The following ZNF613 variants were observed in gnomAD, a reference collection of about 807,000 sequenced individuals.
The protein encoded by ZNF613 is zinc finger protein 613.
ZNF613 carries 8 observed loss-of-function variants against 14.3 expected under a neutral mutation model. The ratio of observed to expected loss-of-function variants is 0.56; its 90% CI spans 0.33 to 1.01. ZNF613 has a LOEUF of 1.01. ZNF613 is among the 50% of genes least tolerant of loss of function. ZNF613 has a pLI of 0.03. For missense variants in ZNF613, 656 were observed against 741.9 expected (o/e 0.88, Z 1.35); for synonymous variants, 228 against 254.5 (o/e 0.90, Z 0.99).
chr19:51,937,329 C>T (rs999236325), intron 3 of ZNF613, among the ~76,000 whole-genome samples: 1 of 152,170 alleles, frequency 6.6e-6, no homozygotes, highest in Admixed American at 6.5e-5. Context: ...AAACCTTAAC[C>T]TATGGGTCTT....
Position 51,946,445 on chromosome 19 carries a change from A to G in ZNF613, c.*708A>G, listed in dbSNP as rs2085402219. 1 of 152,254 alleles carries G rather than the reference A, an allele frequency of 6.6e-6. No homozygotes were observed. The allele number at this position is 152,254 out of a possible 1,614,324, so 9.4% of individuals were successfully genotyped here. ...TCTTCTATTCCCAACCAAGATCATTATATGATTAGCTCTTGTGTTTCTTTG... is the reference window on the plus strand; with the variant it reads ...TCTTCTATTCCCAACCAAGATCATTGTATGATTAGCTCTTGTGTTTCTTTG... On this transcript the variant is annotated 3_prime_UTR_variant, in exon 6 of 6. Coordinates refer to ENST00000293471, the MANE Select transcript of ZNF613 (RefSeq NM_001031721.4).
In ZNF613 at chr19:51,940,707, C is replaced by T; in HGVS notation, c.233C>T (p.Pro78Leu). Reference sequence around the variant, plus strand: ...AATGAAATCCACAGCCAAATCTGTCCAGGTGAGTTCAGGGTGAGAGCCAGC... The same window carrying T: ...AATGAAATCCACAGCCAAATCTGTCTAGGTGAGTTCAGGGTGAGAGCCAGC... Reference protein sequence around the residue: ...VENEIHSQICPEIKKVDNHLQ... With the variant: ...VENEIHSQICLEIKKVDNHLQ... Residue 78 changes from proline (P) to leucine (L), a missense_variant and splice_region_variant, in exon 5 of 6, where the codon CCA becomes CTA. By Grantham distance (98) the Pro-to-Leu change is moderately conservative (BLOSUM62 -3). Transcript: ENST00000293471. The T allele has an allele frequency of 6.2e-7, 1 of 1,610,370 alleles. No homozygotes were observed.
rs751277261 is a variant in ZNF613, at chr19:51,945,777, G to A, written c.*40G>A. 4.4e-6 allele frequency: 7 copies of A among 1,604,106 alleles called. 1 individual carries two copies. In the South Asian group the frequency reaches 7.7e-5, roughly 18 times the overall value. On this transcript the variant is annotated 3_prime_UTR_variant, in exon 6 of 6. Coordinates refer to ENST00000293471, the MANE Select transcript of ZNF613 (RefSeq NM_001031721.4). ...CAGTGAATGTGGTAGTGCTTTCAGT[G>A]ATCAATTACATCATATGTCACAAAA...
At position 51,945,138 on chromosome 19, in the gene ZNF613, C is replaced by G; in HGVS notation, c.1255C>G (p.Arg419Gly). 1 of 1,614,182 alleles carries G rather than the reference C, an allele frequency of 6.2e-7. No individual in the cohort carries two copies. Among genetic ancestry groups the G allele is most frequent in the Non-Finnish European group, 8.5e-7 (1 of 1,180,026 alleles). The part of the protein sequence containing the change: ...FIQKGNLLIH[R>G]RTHTGEKPYV... ...CCAAAAGGGCAACCTCCTTATTCAT[C>G]GACGTACTCACACTGGAGAGAAACC... Residue 419 changes from arginine to glycine, a missense_variant, in exon 6 of 6, where the codon CGA becomes GGA. By Grantham distance (125) the Arg-to-Gly change is moderately radical (BLOSUM62 -2). Coordinates refer to ENST00000293471, the MANE Select transcript of ZNF613 (RefSeq NM_001031721.4).
intron 3 of ZNF613, among the ~76,000 whole-genome samples, chr19:51,939,002 G>GT (rs1183083054): frequency 6.6e-6 from 1 of 151,284 alleles, no homozygotes; most frequent in African/African-American, 2.4e-5. Flanking sequence ...ATTTACAGAC[G>GT]TATCTGCCTT....
In ZNF613 at chr19:51,944,220, A is replaced by C; in HGVS notation, c.337A>C (p.Ile113Leu). 6.2e-7 allele frequency: 1 copy of C among 1,610,502 alleles called. No homozygotes were observed. The change falls in exon 6 of 6, where the codon ATT becomes CTT. Residue 113 changes from isoleucine (I) to leucine (L), a missense_variant. Coordinates refer to ENST00000293471, the MANE Select transcript of ZNF613 (RefSeq NM_001031721.4). The stretch of plus-strand genomic sequence containing the variant: ...TAAACATAATGCATTTGGAAACATC[A>C]TTCATCAGAGGAAAAGTGATTTTCC... ...CHKHNAFGNI[I>L]HQRKSDFPLR...
In ZNF613 at chr19:51,946,220, GA is replaced by G. The variant is rs2085400796; in HGVS notation, c.*487del. The G allele has an allele frequency of 6.3e-6, 1 of 159,318 alleles. No individual in the cohort carries two copies. Among genetic ancestry groups the G allele is most frequent in the Non-Finnish European group, 1.4e-5 (1 of 72,128 alleles). The allele number at this position is 159,318 out of a possible 1,614,324, so 9.9% of individuals were successfully genotyped here. On this transcript the variant is annotated 3_prime_UTR_variant, in exon 6 of 6. Transcript: ENST00000293471. Reference sequence around the variant, plus strand: ...AACACACGAAGCAAATAAGCCCTGTGAAAAGGAGTATTTTAGAGATTTCGAT... The same window carrying G: ...AACACACGAAGCAAATAAGCCCTGTGAAAGGAGTATTTTAGAGATTTCGAT...
chr19:51,944,749 T>A lies in ZNF613; in HGVS notation c.866T>A (p.Ile289Lys). Residue 289 changes from isoleucine to lysine, a missense_variant, in exon 6 of 6, where the codon ATA becomes AAA. By Grantham distance (102) the Ile-to-Lys change is moderately radical. Coordinates refer to ENST00000293471, the MANE Select transcript of ZNF613 (RefSeq NM_001031721.4). The stretch of plus-strand genomic sequence containing the variant: ...ATTCATACAGGAGAGAAGTCATATA[T>A]ATGCAGTGATTGTGGAAAAGGCTTC... ...QKIHTGEKSY[I>K]CSDCGKGFIK... 1 of 1,612,922 alleles carries A rather than the reference T, an allele frequency of 6.2e-7. No individual in the cohort carries two copies. Among genetic ancestry groups the A allele is most frequent in the Non-Finnish European group, 8.5e-7 (1 of 1,179,840 alleles).
chr19:51,930,986 G>A (rs1046369139), intron 2 of ZNF613, among the ~76,000 whole-genome samples: 20 of 152,048 alleles, frequency 1.3e-4, no homozygotes, highest in African/African-American at 3.9e-4. Context: ...GTTTCTCATG[G>A]TTTTGATTTG....
At position 51,944,966 on chromosome 19, in the gene ZNF613, A is replaced by G. The variant is rs1181775382; in HGVS notation, c.1083A>G (p.Ala361=). 3 of 1,614,110 alleles carry G rather than the reference A, an allele frequency of 1.9e-6. No homozygotes were observed. Among genetic ancestry groups the G allele is most frequent in the Non-Finnish European group, 2.5e-6 (3 of 1,180,050 alleles). Residue 361 remains alanine, a synonymous_variant, in exon 6 of 6, where the codon GCA becomes GCG. Coordinates refer to ENST00000293471, the MANE Select transcript of ZNF613 (RefSeq NM_001031721.4). ...KAFRWKSQLN[A]HQKAHTGEKS... ...TCCGCTGGAAATCACAGCTCAATGC[A>G]CATCAGAAAGCTCACACAGGAGAGA...
At chr19:51,939,304 ATTAT>A (rs923307931) in intron 3 of ZNF613, among the ~76,000 whole-genome samples, 15 of 151,122 alleles carry the variant, frequency 9.9e-5, no homozygotes, top group East Asian at 1.9e-4. Context: ...TTTCTTTTTT[ATTAT>A]TTATTTATTT....
Position 51,944,782 on chromosome 19 carries a change from AG to A in ZNF613, c.900del (p.Lys300AsnfsTer144). 2 of 1,613,982 alleles carry A rather than the reference AG, an allele frequency of 1.2e-6. No homozygotes were observed. Among genetic ancestry groups the A allele is most frequent in the Non-Finnish European group, 1.7e-6 (2 of 1,180,002 alleles). On this transcript the variant is annotated frameshift_variant, in exon 6 of 6. Coordinates refer to ENST00000293471, the MANE Select transcript of ZNF613 (RefSeq NM_001031721.4). LOFTEE classifies it low-confidence loss of function (END_TRUNC). ...GATTGTGGAAAAGGCTTCATCAAGA[AG>A]TCTCGGCTCATTAATCATCAGAGAG... is the stretch of plus-strand genomic sequence containing the variant. ...CSDCGKGFIK[K>X]SRLINHQRVH...
intron 2 of ZNF613, among the ~76,000 whole-genome samples, chr19:51,932,924 C>T (rs1055601626): frequency 2.6e-5 from 4 of 152,166 alleles, no homozygotes; most frequent in Non-Finnish European, 4.4e-5. Flanking sequence ...AAGCAATCCT[C>T]CTGCCTTGGC....
chr19:51,928,327 C>A (rs2085234842), intron 1 of ZNF613, among the ~76,000 whole-genome samples: 1 of 152,118 alleles, frequency 6.6e-6, no homozygotes, highest in Admixed American at 6.5e-5. Flanking sequence ...GGGGGTGTGA[C>A]CATGTTAGGG....
At chr19:51,942,422 G>A (rs1004487864) in intron 5 of ZNF613, among the ~76,000 whole-genome samples, 1 of 152,230 alleles carries the variant, frequency 6.6e-6, no homozygotes, top group African/African-American at 2.4e-5. Context: ...GATGCCGGGA[G>A]TGGGAATGGC....
intron 3 of ZNF613, among the ~76,000 whole-genome samples, chr19:51,937,562 G>C (rs2085313572): frequency 6.6e-6 from 1 of 152,034 alleles, no homozygotes; most frequent in Middle Eastern, 3.2e-3. Flanking sequence ...TAATGTCTCT[G>C]ACTGTCATCA....
In ZNF613 at chr19:51,937,874, C is replaced by G. The variant is rs569202985; in HGVS notation, c.15+1639C>G. Among the ~76,000 whole-genome samples, 11 of 151,972 alleles carry G rather than the reference C, an allele frequency of 7.2e-5. No individual in the cohort carries two copies. The East Asian group carries it at 1.7e-3, about 24-fold the overall frequency. On this transcript the variant is annotated intron_variant, in intron 3 of 5. Coordinates refer to ENST00000293471, the MANE Select transcript of ZNF613 (RefSeq NM_001031721.4). ...CCTCCCGAGTAGCTGAGATTACAGG[C>G]ATGCACTACGACTGCCCGGCTAATT...
Position 51,945,656 on chromosome 19 carries a change from A to G in ZNF613, c.1773A>G (p.Gln591=), listed in dbSNP as rs1470000781. The part of the protein sequence containing the change: ...AQTSLTNSAF[Q]AESKVAIVSQ... ...CCTCATTAACTAACAGTGCGTTCCA[A>G]GCAGAGAGCAAAGTAGCCATTGTGA... The change falls in exon 6 of 6, where the codon CAA becomes CAG. Residue 591 remains glutamine (Q), a synonymous_variant. Coordinates refer to ENST00000293471, the MANE Select transcript of ZNF613 (RefSeq NM_001031721.4). The G allele has an allele frequency of 6.2e-7, 1 of 1,614,204 alleles. No individual in the cohort carries two copies. Among genetic ancestry groups the G allele is most frequent in the South Asian group, 1.1e-5 (1 of 91,078 alleles).
At chr19:51,932,302 CTTT>C (rs34474633) in intron 2 of ZNF613, among the ~76,000 whole-genome samples, 72 of 90,950 alleles carry the variant, frequency 7.9e-4, no homozygotes, top group Non-Finnish European at 6.5e-4. Context: ...CTCCCAACAT[CTTT>C]TTTTTTTTTT....
Sources: allele counts gnomAD v4.1 joint callset (sites outside exome capture counted in the v4.1 genomes callset), GRCh38; gene constraint gnomAD v4.1.1; transcripts MANE v1.5; gene names NCBI Gene and HGNC (gene_info 2026-07-23, HGNC 2026-07-21).